The following WWTR1 variants were observed in gnomAD, a reference collection of about 807,000 sequenced individuals.
The protein encoded by WWTR1 is WW domain-containing transcription regulator protein 1.
WWTR1 carries 13 observed loss-of-function variants against 40.1 expected under a neutral mutation model. That is an observed-to-expected ratio of 0.32 (90% CI 0.21 to 0.52). The LOEUF (loss-of-function observed/expected upper bound fraction) is 0.52. Among genes scored for constraint, WWTR1 ranks in the 20% least tolerant of loss-of-function variants. The probability of loss-of-function intolerance (pLI) is 0.97; values close to 1 mark genes in which losing one functional copy is unlikely to be tolerated. For missense variants in WWTR1, 436 were observed against 523.1 expected (o/e 0.83, Z 1.63); for synonymous variants, 230 against 210.1 (o/e 1.09, Z -0.82).
rs1456903527 is a variant in WWTR1 at position 149,542,412 on chromosome 3, G to C, written c.694C>G (p.Gln232Glu). ...ATTCTCTGAAGCCGCAGTTTCTGCTGCTGCTGCTGCTGAGTGGTCAGCGCA... is the reference window on the plus strand; with the variant it reads ...ATTCTCTGAAGCCGCAGTTTCTGCTCCTGCTGCTGCTGAGTGGTCAGCGCA... ...PNALTTQQQQQQKLRLQRIQM... is the reference protein window; with the variant it reads ...PNALTTQQQQEQKLRLQRIQM... The change falls in exon 4 of 7, where the codon CAG (glutamine) becomes GAG (glutamate). Residue 232 changes from glutamine to glutamate, a missense_variant. By Grantham distance (29) the Gln-to-Glu change is conservative. Transcript: ENST00000360632. 1 of 1,614,036 alleles carries C rather than the reference G, an allele frequency of 6.2e-7. No homozygotes were observed. Among genetic ancestry groups the C allele is most frequent in the South Asian group, 1.1e-5 (1 of 91,058 alleles).
At chr3:149,656,761 TC>T in intron 2 of WWTR1, 114 bp downstream of exon 2, 1 of 620,518 alleles carries the variant, frequency 1.6e-6, no homozygotes, top group Non-Finnish European at 2.1e-6. Context: ...ACCATCTCTC[TC>T]TTTCTCTCTC....
intron 1 of WWTR1, among the ~76,000 whole-genome samples, chr3:149,699,790 C>G (rs889492485): frequency 6.6e-6 from 1 of 152,178 alleles, no homozygotes; most frequent in South Asian, 2.1e-4. Flanking sequence ...ATTTAACCAG[C>G]CTTGAAGCAG....
chr3:149,684,437 C>G (rs1714564478), intron 1 of WWTR1, among the ~76,000 whole-genome samples: 1 of 152,166 alleles, frequency 6.6e-6, no homozygotes, highest in Non-Finnish European at 1.5e-5. Context: ...AAAAATTGAA[C>G]TATTCATTAC....
chr3:149,527,811 A>C lies in WWTR1; in HGVS notation c.905+25T>G. ...ATCACATAATAAAGAGAATAAAAAT[A>C]AGTGGCCCCCAAATATTAACTTACC... On this transcript the variant is annotated intron_variant, in intron 5 of 6. Transcript: ENST00000360632. 1.9e-6 allele frequency: 3 copies of C among 1,613,414 alleles called. No homozygotes were observed. In the East Asian group the frequency reaches 6.7e-5, roughly 36 times the overall value.
intron 3 of WWTR1, among the ~76,000 whole-genome samples, chr3:149,546,101 T>C (rs1313381202): frequency 1.3e-5 from 2 of 152,200 alleles, no homozygotes; most frequent in African/African-American, 4.8e-5. Context: ...CACATCTATG[T>C]GAGTCTTTAA....
At chr3:149,605,119 C>T (rs981285308) in intron 2 of WWTR1, among the ~76,000 whole-genome samples, 2 of 152,178 alleles carry the variant, frequency 1.3e-5, no homozygotes, top group East Asian at 3.8e-4. Context: ...GTAAGATCAT[C>T]AATATGGTTG....
At chr3:149,593,388 CTT>C (rs549589219) in intron 2 of WWTR1, among the ~76,000 whole-genome samples, 16 of 144,360 alleles carry the variant, frequency 1.1e-4, no homozygotes, top group Admixed American at 1.4e-4. Flanking sequence ...AGTTTTCTTT[CTT>C]TTTTTTTTTT....
intron 3 of WWTR1, among the ~76,000 whole-genome samples, chr3:149,548,256 T>C (rs1736458655): frequency 6.6e-6 from 1 of 152,214 alleles, no homozygotes; most frequent in Admixed American, 6.5e-5. Context: ...TCCTGAACTT[T>C]TGCCTTTTGC....
chr3:149,556,738 G>C (rs2107965874), intron 3 of WWTR1, among the ~76,000 whole-genome samples: 1 of 152,206 alleles, frequency 6.6e-6, no homozygotes, highest in South Asian at 2.1e-4. Flanking sequence ...AGAAACCAAA[G>C]CAGCTCTGCT....
At chr3:149,721,561 GTTTTC>G (rs1299853696) in intron 4 of WWTR1, among the ~76,000 whole-genome samples, 1 of 152,178 alleles carries the variant, frequency 6.6e-6, no homozygotes, top group Non-Finnish European at 1.5e-5. Flanking sequence ...TGGTCTATTA[GTTTTC>G]TTTTCTTGTA....
intron 2 of WWTR1, among the ~76,000 whole-genome samples, chr3:149,610,025 G>A (rs1160524912): frequency 6.6e-6 from 1 of 152,136 alleles, no homozygotes; most frequent in Non-Finnish European, 1.5e-5. Flanking sequence ...AAGGGCTCAG[G>A]CAGAAGAAAA....
chr3:149,684,862 C>T (rs1446138755), intron 1 of WWTR1, among the ~76,000 whole-genome samples: 2 of 152,164 alleles, frequency 1.3e-5, no homozygotes, highest in African/African-American at 4.8e-5. Context: ...CTGTACCCAG[C>T]CTTCTTTCTT....
At chr3:149,689,489 A>C (rs1714754211) in intron 1 of WWTR1, among the ~76,000 whole-genome samples, 1 of 151,962 alleles carries the variant, frequency 6.6e-6, no homozygotes, top group African/African-American at 2.4e-5. Flanking sequence ...TCAAGGATAA[A>C]GAAAGGATCC....
chr3:149,594,827 T>C (rs1014533618), intron 2 of WWTR1, among the ~76,000 whole-genome samples: 4 of 151,956 alleles, frequency 2.6e-5, no homozygotes, highest in African/African-American at 9.7e-5. Flanking sequence ...ATTATTGTAC[T>C]AAGGTTAATT....
At chr3:149,597,909 T>TTTGGAATGA (rs936195887) in intron 2 of WWTR1, among the ~76,000 whole-genome samples, 2 of 152,234 alleles carry the variant, frequency 1.3e-5, no homozygotes, top group African/African-American at 4.8e-5. Context: ...TGCAAATCTT[T>TTTGGAATGA]TTGGAATGAT....
intron 1 of WWTR1, among the ~76,000 whole-genome samples, chr3:149,699,292 C>CTTTTTT (rs35576449): frequency 2.3e-5 from 3 of 131,710 alleles, no homozygotes; most frequent in African/African-American, 2.8e-5. Context: ...GGTCATCATT[C>CTTTTTT]TTTTTTTTTT....
chr3:149,565,801 C>T (rs1295084681), intron 3 of WWTR1, among the ~76,000 whole-genome samples: 1 of 151,702 alleles, frequency 6.6e-6, no homozygotes, highest in Non-Finnish European at 1.5e-5. Flanking sequence ...ATCCCAGCTA[C>T]TTGGGAGGCT....
intron 4 of WWTR1, among the ~76,000 whole-genome samples, chr3:149,717,810 A>C (rs1454764560): frequency 1.3e-5 from 2 of 152,188 alleles, no homozygotes; most frequent in African/African-American, 4.8e-5. Flanking sequence ...TCTCTTATGG[A>C]AATTCAGGAA....
chr3:149,686,489 C>A (rs1294714593), intron 1 of WWTR1, among the ~76,000 whole-genome samples: 1 of 152,042 alleles, frequency 6.6e-6, no homozygotes, highest in Non-Finnish European at 1.5e-5. Context: ...TATGAATAGC[C>A]ACTGCACTCC....
Sources: allele counts gnomAD v4.1 joint callset (sites outside exome capture counted in the v4.1 genomes callset), GRCh38; gene constraint gnomAD v4.1.1; transcripts MANE v1.5; gene names NCBI Gene and HGNC (gene_info 2026-07-23, HGNC 2026-07-21).